MTA3: variants seen among roughly 807,000 people sequenced by gnomAD.
MTA3 encodes the protein metastasis-associated protein MTA3.
MTA3 carries 34 observed loss-of-function variants against 83.5 expected under a neutral mutation model. The observed-to-expected ratio is 0.41, with a 90% CI of 0.31 to 0.54. The LOEUF (loss-of-function observed/expected upper bound fraction) is 0.54, where lower values mean the gene tolerates loss of function less well. Among genes scored for constraint, MTA3 ranks in the 20% least tolerant of loss-of-function variants. The pLI, the probability that MTA3 is intolerant of heterozygous loss-of-function variation, is 0.33. For synonymous variants in MTA3, 303 were observed against 252.7 expected (o/e 1.20, Z -1.89); for missense variants, 761 against 726.4 (o/e 1.05, Z -0.55).
At chr2:42,680,679 ACT>A (rs1219915058) in intron 8 of MTA3, among the ~76,000 whole-genome samples, 2 of 152,090 alleles carry the variant, frequency 1.3e-5, no homozygotes, top group African/African-American at 4.8e-5. Context: ...GCTATGGATG[ACT>A]CTCTTTAAAT....
chr2:42,511,709 C>CT (rs1025236174), intron 2 of MTA3: 33 of 152,208 alleles, frequency 2.2e-4, no homozygotes, highest in Admixed American at 1.9e-3. Context: ...GAGTGAAACT[C>CT]TGTCTCAAAA....
chr2:42,718,994 A>G lies in MTA3; in HGVS notation c.1532A>G (p.Asp511Gly), dbSNP rs200799873. 7.8e-4 allele frequency: 1,205 copies of G among 1,549,974 alleles called. 1 individual carries two copies. The highest frequency in any genetic ancestry group is 9.2e-4 in the Non-Finnish European group (1,060 of 1,146,516). ...TGTTTCTTTCTCTCCTCAGATGCAG[A>G]CAGACATGCTGAACTATCTGGAAGT... ...NYAAIRAEYA[D>G]RHAELSGSPL... The change falls in exon 15 of 17, where the codon GAC (aspartate) becomes GGC (glycine). Residue 511 changes from aspartate (D) to glycine (G), a missense_variant. Physicochemically the swap from Asp to Gly is moderately conservative, Grantham distance 94. Transcript: ENST00000405094.
At chr2:42,647,153 T>TAAAAAAAAAAAA (rs1558539891) in intron 6 of MTA3, among the ~76,000 whole-genome samples, 1 of 13,516 alleles carries the variant, frequency 7.4e-5, no homozygotes, top group African/African-American at 7.0e-4. Context: ...TGAGACTCTG[T>TAAAAAAAAAAAA]CTAAAAAAAA....
At chr2:42,633,211 C>T (rs1328484238) in intron 4 of MTA3, among the ~76,000 whole-genome samples, 4 of 150,518 alleles carry the variant, frequency 2.7e-5, no homozygotes, top group Non-Finnish European at 3.0e-5. Context: ...TGCAGTGAGC[C>T]GAGGTTGCAG....
intron 2 of MTA3, among the ~76,000 whole-genome samples, chr2:42,501,754 G>A (rs1210935273): frequency 6.6e-6 from 1 of 152,122 alleles, no homozygotes; most frequent in East Asian, 1.9e-4. Context: ...GAGGCGTGTG[G>A]ATCACTTGCG....
intron 3 of MTA3, among the ~76,000 whole-genome samples, chr2:42,599,576 T>C (rs1035648135): frequency 1.3e-5 from 2 of 151,516 alleles, no homozygotes; most frequent in Non-Finnish European, 2.9e-5. Flanking sequence ...GGCGACAGTG[T>C]GAGACTCCAT....
At chr2:42,684,155 T>G (rs1692177838) in intron 9 of MTA3, among the ~76,000 whole-genome samples, 1 of 152,240 alleles carries the variant, frequency 6.6e-6, no homozygotes, top group Non-Finnish European at 1.5e-5. Context: ...ATGGACTTAC[T>G]GTCTTTAGTT....
At chr2:42,677,921 C>T (rs1691531903) in intron 8 of MTA3, among the ~76,000 whole-genome samples, 1 of 152,168 alleles carries the variant, frequency 6.6e-6, no homozygotes. Context: ...CATCTATTTT[C>T]AGACCACAGT....
chr2:42,713,407 G>C (rs1666783179), intron 14 of MTA3, among the ~76,000 whole-genome samples: 1 of 151,872 alleles, frequency 6.6e-6, no homozygotes, highest in African/African-American at 2.4e-5. Flanking sequence ...GAGAATAGTT[G>C]GTTTGCTTCT....
At chr2:42,516,208 C>T (rs1675138981) in intron 2 of MTA3, among the ~76,000 whole-genome samples, 1 of 152,128 alleles carries the variant, frequency 6.6e-6, no homozygotes, top group Non-Finnish European at 1.5e-5. Context: ...AGCCACCGCT[C>T]CTGGCGCAGT....
At chr2:42,680,078 C>G (rs1314029656) in intron 8 of MTA3, 1 of 152,574 alleles carries the variant, frequency 6.6e-6, no homozygotes, top group African/African-American at 2.4e-5. Flanking sequence ...GCACACTTCA[C>G]CTGAGGTCGT....
rs114526671 is a variant in MTA3, at chr2:42,599,469, G to A, written c.191-9989G>A. Among the ~76,000 whole-genome samples the A allele has an allele frequency of 6.5e-3, 982 of 152,020 alleles. 8 individuals carry two copies. The highest frequency in any genetic ancestry group is 0.021 in the African/African-American group (891 of 41,456). Reference sequence around the variant, plus strand: ...AAATTAGCCGGGTGTGGTGGCGGGCGCCTCCAGCTACTCAGGAGGGTGAGG... The same window carrying A: ...AAATTAGCCGGGTGTGGTGGCGGGCACCTCCAGCTACTCAGGAGGGTGAGG... On this transcript the variant is annotated intron_variant, in intron 3 of 16. Coordinates refer to ENST00000405094, the MANE Select transcript of MTA3 (RefSeq NM_001330442.2).
Position 42,748,032 on chromosome 2 carries a change from G to C in MTA3, c.1760-5342G>C, listed in dbSNP as rs1384666115. On this transcript the variant is annotated intron_variant, in intron 16 of 16. Coordinates refer to ENST00000405094, the MANE Select transcript of MTA3 (RefSeq NM_001330442.2). ...GATTCATTTATATTTTCTAGAATTA[G>C]TTTTTTGTTTTTTTTGAAAGGGAGT... Among the ~76,000 whole-genome samples, 6 of 151,826 alleles carry C rather than the reference G, an allele frequency of 4.0e-5. No homozygotes were observed. In the South Asian group the frequency reaches 8.3e-4, roughly 21 times the overall value.
At chr2:42,583,398 T>G (rs1679889109) in intron 3 of MTA3, among the ~76,000 whole-genome samples, 1 of 152,242 alleles carries the variant, frequency 6.6e-6, no homozygotes, top group Non-Finnish European at 1.5e-5. Flanking sequence ...GAATTCATGT[T>G]TTATGAGGAG....
intron 2 of MTA3, among the ~76,000 whole-genome samples, chr2:42,519,952 G>T (rs1003937281): frequency 3.3e-5 from 5 of 152,112 alleles, no homozygotes; most frequent in African/African-American, 1.2e-4. Context: ...TGAGGTGGGA[G>T]GATGGCTTGC....
intron 6 of MTA3, among the ~76,000 whole-genome samples, chr2:42,647,842 C>G (rs1309228770): frequency 6.6e-6 from 1 of 152,034 alleles, no homozygotes; most frequent in Non-Finnish European, 1.5e-5. Context: ...GTTTAAAGAA[C>G]TCTTCTTTTT....
At chr2:42,543,841 T>A (rs897667085) in intron 2 of MTA3, among the ~76,000 whole-genome samples, 1 of 151,738 alleles carries the variant, frequency 6.6e-6, no homozygotes, top group African/African-American at 2.4e-5. Flanking sequence ...TTAAAAAATA[T>A]ATATATATAT....
chr2:42,507,896 A>G (rs564370553), intron 2 of MTA3, among the ~76,000 whole-genome samples: 52 of 151,786 alleles, frequency 3.4e-4, no homozygotes, highest in Admixed American at 5.9e-4. Flanking sequence ...CAGTGAGTCA[A>G]GATCTCGATG....
intron 9 of MTA3, among the ~76,000 whole-genome samples, chr2:42,692,826 C>T (rs1693025088): frequency 6.6e-6 from 1 of 152,172 alleles, no homozygotes; most frequent in Non-Finnish European, 1.5e-5. Flanking sequence ...TCATATTTTC[C>T]TGGATGATGC....
Sources: gnomAD v4.1 joint callset for allele counts (sites outside exome capture counted in the v4.1 genomes callset) on GRCh38, gnomAD v4.1.1 for gene constraint, MANE v1.5 for transcripts, NCBI Gene and HGNC (gene_info 2026-07-23, HGNC 2026-07-21) for gene names.